CLYBL: variants seen among roughly 807,000 people sequenced by gnomAD.
The protein encoded by CLYBL is citramalyl-CoA lyase, mitochondrial.
Under a neutral mutation model 38.9 loss-of-function variants are expected in CLYBL, and 31 were observed. That is an observed-to-expected ratio of 0.80 (90% CI 0.60 to 1.08). The LOEUF is 1.08. CLYBL is among the 50% of genes least tolerant of loss of function. CLYBL has a pLI of 0.00. For missense variants in CLYBL, 434 were observed against 411.6 expected, an observed-to-expected ratio of 1.05 and a Z score of -0.47; for synonymous variants, 171 against 158.6, an observed-to-expected ratio of 1.08 and a Z score of -0.59.
At chr13:99,678,266 A>G (rs1018352195) in intron 1 of CLYBL, among the ~76,000 whole-genome samples, 61 of 152,168 alleles carry the variant, frequency 4.0e-4, no homozygotes, top group African/African-American at 1.5e-3. Flanking sequence ...ACAGGGTGTT[A>G]TTTACAGCTG....
chr13:99,626,183 G>T (rs2046866998), intron 1 of CLYBL, among the ~76,000 whole-genome samples: 1 of 152,246 alleles, frequency 6.6e-6, no homozygotes, highest in Admixed American at 6.5e-5. Flanking sequence ...AGGGCACCTG[G>T]ATCATTCCCA....
chr13:99,609,134 TC>T (rs1179958351), intron 1 of CLYBL, among the ~76,000 whole-genome samples: 1 of 150,884 alleles, frequency 6.6e-6, no homozygotes, highest in Non-Finnish European at 1.5e-5. Context: ...TTCTTTCTGT[TC>T]CTCAGGCTGG....
chr13:99,901,645 G>GTTTTTTTTTTTTT (rs57853480), downstream of CLYBL, among the ~76,000 whole-genome samples: 4 of 127,172 alleles, frequency 3.1e-5, no homozygotes, highest in South Asian at 2.6e-4. Flanking sequence ...GGATTTTTTT[G>GTTTTTTTTTTTTT]TTTTTTTTTT....
chr13:99,661,267 C>T (rs1434067629), intron 1 of CLYBL, among the ~76,000 whole-genome samples: 3 of 152,106 alleles, frequency 2.0e-5, no homozygotes, highest in Non-Finnish European at 4.4e-5. Context: ...AGAAGAATTT[C>T]CAGAAAATTG....
chr13:99,718,928 C>T lies in CLYBL; in HGVS notation c.63-53896C>T, dbSNP rs538257548. 2.7e-3 allele frequency among the ~76,000 whole-genome samples: 408 copies of T among 151,946 alleles called. 5 individuals carry two copies. The highest frequency in any genetic ancestry group is 9.4e-3 in the African/African-American group (388 of 41,470). On this transcript the variant is annotated intron_variant, in intron 1 of 8. Transcript: ENST00000339105. Reference sequence around the variant, plus strand: ...CATGATCTCAGCTCACTGCAACCTCCGCCTCCTAGGTTCAAGCGATTCTCT... The same window carrying T: ...CATGATCTCAGCTCACTGCAACCTCTGCCTCCTAGGTTCAAGCGATTCTCT...
At chr13:99,778,215 T>C (rs1042944701) in intron 2 of CLYBL, among the ~76,000 whole-genome samples, 1 of 152,202 alleles carries the variant, frequency 6.6e-6, no homozygotes, top group African/African-American at 2.4e-5. Context: ...TCATATTCTC[T>C]TTTCTTTCTC....
intron 1 of CLYBL, among the ~76,000 whole-genome samples, chr13:99,755,591 C>T (rs905154806): frequency 3.9e-5 from 6 of 152,184 alleles, no homozygotes; most frequent in East Asian, 1.9e-4. Flanking sequence ...AAGGGTCAGT[C>T]GAAACTTCTG....
intron 1 of CLYBL, among the ~76,000 whole-genome samples, chr13:99,618,312 C>T (rs1184849047): frequency 6.6e-6 from 1 of 151,902 alleles, no homozygotes; most frequent in Non-Finnish European, 1.5e-5. Flanking sequence ...AGCTCTGCCC[C>T]CAGGCTGGAG....
chr13:99,832,490 T>C, intron 2 of CLYBL, among the ~76,000 whole-genome samples: 1 of 152,322 alleles, frequency 6.6e-6, no homozygotes, highest in East Asian at 1.9e-4. Context: ...TGTCATTGGA[T>C]AGTGATAAGA....
At chr13:99,737,493 G>C (rs560321962) in intron 1 of CLYBL, among the ~76,000 whole-genome samples, 1 of 152,166 alleles carries the variant, frequency 6.6e-6, no homozygotes, top group Non-Finnish European at 1.5e-5. Context: ...AGGTGTGCTG[G>C]GTTCCAAAGC....
At chr13:99,777,585 C>T (rs572151259) in intron 2 of CLYBL, among the ~76,000 whole-genome samples, 8 of 151,660 alleles carry the variant, frequency 5.3e-5, no homozygotes, top group South Asian at 2.1e-4. Flanking sequence ...CTCCGCCTCT[C>T]GGGTTCAAGA....
chr13:99,606,815 T>C (rs759312980), intron 1 of CLYBL, 58 bp downstream of exon 1: 11 of 1,320,530 alleles, frequency 8.3e-6, no homozygotes, highest in Non-Finnish European at 1.1e-5. Context: ...GGTCGGCTCC[T>C]GTTGCAGCCC....
In CLYBL at chr13:99,617,318, A is replaced by G. The variant is rs567582834; in HGVS notation, c.62+10561A>G. 1.5e-3 allele frequency among the ~76,000 whole-genome samples: 227 copies of G among 152,010 alleles called. 1 individual carries two copies. Among genetic ancestry groups the G allele is most frequent in the African/African-American group, 4.7e-3 (194 of 41,420 alleles). On this transcript the variant is annotated intron_variant, in intron 1 of 8. Transcript: ENST00000339105. The stretch of plus-strand genomic sequence containing the variant: ...TTTTTTTCCTAATAAGGGCCTCTCT[A>G]TGGACCTTTTTAAAGTTTATATGGT...
chr13:99,611,373 T>A (rs1477118297), intron 1 of CLYBL, among the ~76,000 whole-genome samples: 2 of 152,246 alleles, frequency 1.3e-5, no homozygotes, highest in African/African-American at 2.4e-5. Flanking sequence ...GATTTGAATT[T>A]ATAAATTTTT....
chr13:99,854,373 C>T (rs1328247525), intron 2 of CLYBL, among the ~76,000 whole-genome samples: 1 of 150,632 alleles, frequency 6.6e-6, no homozygotes, highest in South Asian at 2.1e-4. Context: ...GCCCAAGGGG[C>T]TCCTCTTGGT....
At chr13:99,832,824 T>C (rs865879095) in intron 2 of CLYBL, among the ~76,000 whole-genome samples, 9 of 143,820 alleles carry the variant, frequency 6.3e-5, no homozygotes, top group Middle Eastern at 3.6e-3. Flanking sequence ...ATATGTTATA[T>C]CAAATCTGTT....
chr13:99,768,519 TTTTTTTTTTA>T lies in CLYBL; in HGVS notation c.63-4304_63-4295del, dbSNP rs1264960168. 5.1e-3 allele frequency among the ~76,000 whole-genome samples: 57 copies of T among 11,092 alleles called. 3 individuals carry two copies. The South Asian group carries it at 0.052, about 10-fold the overall frequency. The allele number at this position is 11,092 out of a possible 152,430, so 7.3% of individuals were successfully genotyped here. A position where few individuals can be genotyped will look rare whatever the true frequency, so the allele number is the denominator to read the frequency against. ...CTTTTTTTTTTTTTTTTTTTTTTTT[TTTTTTTTTTA>T]AAGACAGAATCTCACTGTGTCACCC... On this transcript the variant is annotated intron_variant, in intron 1 of 8. Coordinates refer to ENST00000339105, the MANE Select transcript of CLYBL (RefSeq NM_206808.5).
rs190241516 is a variant in CLYBL, at chr13:99,799,821, C to T, written c.249+26811C>T. On this transcript the variant is annotated intron_variant, in intron 2 of 8. Transcript: ENST00000339105. ...TCAATCATGTCAACACCCTGGTTTTCTGGTACAGGTTACACGTGAAGCACA... is the reference window on the plus strand; with the variant it reads ...TCAATCATGTCAACACCCTGGTTTTTTGGTACAGGTTACACGTGAAGCACA... Among the ~76,000 whole-genome samples, 3 of 152,316 alleles carry T rather than the reference C, an allele frequency of 2.0e-5. No homozygotes were observed. In the East Asian group the frequency reaches 5.8e-4, roughly 29 times the overall value.
intron 1 of CLYBL, among the ~76,000 whole-genome samples, chr13:99,770,703 C>T (rs1219817122): frequency 3.9e-5 from 6 of 152,024 alleles, no homozygotes; most frequent in East Asian, 1.9e-4. Flanking sequence ...TGCGCCCGGC[C>T]GGGTTTTAAC....
Sources: allele counts gnomAD v4.1 joint callset (sites outside exome capture counted in the v4.1 genomes callset), GRCh38; gene constraint gnomAD v4.1.1; transcripts MANE v1.5; gene names NCBI Gene and HGNC (gene_info 2026-07-23, HGNC 2026-07-21).